The following MAP4K4 variants were observed in gnomAD, a reference collection of about 807,000 sequenced individuals.
MAP4K4 encodes the protein mitogen-activated protein kinase kinase kinase kinase 4.
MAP4K4 carries 38 observed loss-of-function variants against 189.6 expected under a neutral mutation model. The observed-to-expected ratio is 0.20, with a 90% CI of 0.15 to 0.26. The LOEUF is 0.26. MAP4K4 is among the 10% of genes least tolerant of loss of function. The pLI, the probability that MAP4K4 is intolerant of heterozygous loss-of-function variation, is 1.00. For synonymous variants in MAP4K4, 610 were observed against 624.3 expected, an observed-to-expected ratio of 0.98 and a Z score of 0.34; for missense variants, 1,054 against 1,726.9, an observed-to-expected ratio of 0.61 and a Z score of 6.91.
intron 2 of MAP4K4, among the ~76,000 whole-genome samples, chr2:101,739,233 A>G (rs1224956579): frequency 6.6e-6 from 1 of 152,216 alleles, no homozygotes; most frequent in Admixed American, 6.5e-5. Context: ...TTCAGAAAAC[A>G]AATCTTTAAA....
intron 2 of MAP4K4, among the ~76,000 whole-genome samples, chr2:101,767,360 T>C (rs1445437280): frequency 6.6e-6 from 1 of 152,200 alleles, no homozygotes; most frequent in Non-Finnish European, 1.5e-5. Flanking sequence ...ACCTGGCTTT[T>C]ATTAGAATTT....
intron 2 of MAP4K4, among the ~76,000 whole-genome samples, chr2:101,748,715 A>G (rs1574830119): frequency 6.6e-6 from 1 of 152,134 alleles, no homozygotes; most frequent in Non-Finnish European, 1.5e-5. Flanking sequence ...GAGGAAGTCA[A>G]ATTGTCCCTG....
intron 2 of MAP4K4, among the ~76,000 whole-genome samples, chr2:101,716,885 GT>G (rs775359699): frequency 8.6e-5 from 13 of 151,994 alleles, no homozygotes; most frequent in Non-Finnish European, 1.5e-4. Flanking sequence ...TCCTTTTGTT[GT>G]TCACTAAGGA....
At chr2:101,752,487 T>TTC (rs1403762931) in intron 2 of MAP4K4, among the ~76,000 whole-genome samples, 1 of 152,170 alleles carries the variant, frequency 6.6e-6, no homozygotes, top group Non-Finnish European at 1.5e-5. Context: ...CATATCCTTA[T>TTC]TCATATAGTG....
chr2:101,729,602 T>G, intron 2 of MAP4K4, among the ~76,000 whole-genome samples: 1 of 152,214 alleles, frequency 6.6e-6, no homozygotes, highest in East Asian at 1.9e-4. Flanking sequence ...AACATTTATT[T>G]TGAAATGAGA....
chr2:101,744,455 A>G (rs914825539), intron 2 of MAP4K4, among the ~76,000 whole-genome samples: 3 of 152,212 alleles, frequency 2.0e-5, no homozygotes, highest in African/African-American at 7.2e-5. Flanking sequence ...ATTAAGAGAC[A>G]TTGCTTGCTC....
intron 3 of MAP4K4, among the ~76,000 whole-genome samples, chr2:101,815,895 A>T (rs1456306739): frequency 6.6e-6 from 1 of 152,106 alleles, no homozygotes; most frequent in Non-Finnish European, 1.5e-5. Context: ...CCCTTACCTC[A>T]GGTGGTTTCC....
chr2:101,752,517 A>G lies in MAP4K4; in HGVS notation c.124-38203A>G, dbSNP rs570706582. ...ATAGTGCCTAGCCTATTTTCTGCCA[A>G]TCATAGCTAAGCTCACCCTGTGTAC... is the stretch of plus-strand genomic sequence containing the variant. On this transcript the variant is annotated intron_variant, in intron 2 of 32. Transcript: ENST00000324219. 2.0e-4 allele frequency among the ~76,000 whole-genome samples: 31 copies of G among 152,260 alleles called. No individual in the cohort carries two copies. The South Asian group carries it at 3.5e-3, about 17-fold the overall frequency.
intron 24 of MAP4K4, among the ~76,000 whole-genome samples, chr2:101,872,034 G>A (rs1326456783): frequency 1.3e-5 from 2 of 152,060 alleles, no homozygotes; most frequent in East Asian, 1.9e-4. Context: ...AGTCATTTGT[G>A]GAATCTGCCT....
intron 2 of MAP4K4, among the ~76,000 whole-genome samples, chr2:101,785,674 C>CTTTCTTTTCCTTTTTTGAGT (rs376456716): frequency 4.6e-5 from 2 of 43,058 alleles, no homozygotes; most frequent in African/African-American, 3.7e-4. Context: ...TTCTTTCTTT[C>CTTTCTTTTCCTTTTTTGAGT]TCCCTCTCTC....
chr2:101,730,216 G>C (rs963264977), intron 2 of MAP4K4, among the ~76,000 whole-genome samples: 4 of 152,142 alleles, frequency 2.6e-5, no homozygotes, highest in Admixed American at 6.5e-5. Context: ...CTTTCTGTCA[G>C]GATTCTGGAA....
At chr2:101,827,663 C>T (rs1198930334) in intron 5 of MAP4K4, among the ~76,000 whole-genome samples, 1 of 152,204 alleles carries the variant, frequency 6.6e-6, no homozygotes, top group African/African-American at 2.4e-5. Flanking sequence ...TTTTTGGAGC[C>T]TGCACACTGT....
exon 28 of MAP4K4, chr2:101,882,564 G>A (rs1429747961): frequency 2.5e-6 from 4 of 1,592,646 alleles, no homozygotes; most frequent in Non-Finnish European, 1.7e-6. Context: ...AAAAGGATAA[G>A]TTACGTGTCT....
chr2:101,856,846 CT>C (rs1431538318), intron 13 of MAP4K4, among the ~76,000 whole-genome samples: 2 of 152,146 alleles, frequency 1.3e-5, no homozygotes, highest in African/African-American at 4.8e-5. Context: ...TTAAATAGCA[CT>C]TGGTATCTGT....
chr2:101,885,157 T>C (rs1361364263), intron 28 of MAP4K4, 30 bp from the exon 29 acceptor site: 3 of 1,324,798 alleles, frequency 2.3e-6, no homozygotes, highest in Non-Finnish European at 3.2e-6. Flanking sequence ...GACCTGTGCT[T>C]CTCTTGCTTT....
intron 3 of MAP4K4, among the ~76,000 whole-genome samples, chr2:101,797,020 A>G (rs1459697036): frequency 6.6e-6 from 1 of 152,228 alleles, no homozygotes; most frequent in Non-Finnish European, 1.5e-5. Flanking sequence ...ACGCATGGGC[A>G]GGACACCTTG....
chr2:101,894,567 A>G lies in MAP4K4; in HGVS notation c.*3318A>G, dbSNP rs569258621. 6 of 152,918 alleles carry G rather than the reference A, an allele frequency of 3.9e-5. No individual in the cohort carries two copies. In the East Asian group the frequency reaches 1.1e-3, roughly 29 times the overall value. The allele number at this position is 152,918 out of a possible 1,614,324, so 9.5% of individuals were successfully genotyped here. On this transcript the variant is annotated 3_prime_UTR_variant, in exon 33 of 33. Coordinates refer to ENST00000324219, the Ensembl canonical transcript of MAP4K4. ...TAAATTTACTAATTATAAAAGCTGCAAAGCAGACTGGTGGCAAGTACACAG... is the reference window on the plus strand; with the variant it reads ...TAAATTTACTAATTATAAAAGCTGCGAAGCAGACTGGTGGCAAGTACACAG...
At chr2:101,885,814 A>G (rs895372572) in intron 29 of MAP4K4, among the ~76,000 whole-genome samples, 1 of 152,250 alleles carries the variant, frequency 6.6e-6, no homozygotes, top group Non-Finnish European at 1.5e-5. Flanking sequence ...ACTAATGTAC[A>G]AATTAAGATG....
intron 2 of MAP4K4, among the ~76,000 whole-genome samples, chr2:101,727,682 G>A (rs1296096104): frequency 1.3e-5 from 2 of 152,206 alleles, no homozygotes; most frequent in African/African-American, 4.8e-5. Context: ...AAAGAAGGTG[G>A]TAATGGTCGG....
Sources: gnomAD v4.1 joint callset for allele counts (sites outside exome capture counted in the v4.1 genomes callset) on GRCh38, gnomAD v4.1.1 for gene constraint, MANE v1.5 for transcripts, NCBI Gene and HGNC (gene_info 2026-07-23, HGNC 2026-07-21) for gene names.